The following TMC1 variants were observed in gnomAD, a reference collection of about 807,000 sequenced individuals.
TMC1 encodes transmembrane channel-like protein 1.
A neutral mutation model predicts 105.8 loss-of-function variants in TMC1; 84 were observed. The ratio of observed to expected loss-of-function variants is 0.79; its 90% CI spans 0.67 to 0.95. The LOEUF (loss-of-function observed/expected upper bound fraction) is 0.95, where lower values mean the gene tolerates loss of function less well. Among genes scored for constraint, TMC1 ranks in the 40% least tolerant of loss-of-function variants. The probability of loss-of-function intolerance (pLI) is 0.00; values close to 1 mark genes in which losing one functional copy is unlikely to be tolerated. For missense variants in TMC1, 817 were observed against 914.1 expected (o/e 0.89, Z 1.37); for synonymous variants, 315 against 311.5 (o/e 1.01, Z -0.12).
At position 72,712,362 on chromosome 9, in the gene TMC1, T is replaced by C. The variant is rs139643489; in HGVS notation, c.362+11719T>C. Among the ~76,000 whole-genome samples, 497 of 152,342 alleles carry C rather than the reference T, an allele frequency of 3.3e-3. 3 individuals carry two copies. Among genetic ancestry groups the C allele is most frequent in the African/African-American group, 0.011 (461 of 41,576 alleles). ...TGAACCTACAAATTACTTTGGGCAG[T>C]ATAGCCATTTTCACGATATTGATTC... On this transcript the variant is annotated intron_variant, in intron 8 of 23. Coordinates refer to ENST00000297784, the MANE Select transcript of TMC1 (RefSeq NM_138691.3).
chr9:72,670,983 C>G (rs1440491022), intron 5 of TMC1, among the ~76,000 whole-genome samples: 1 of 152,132 alleles, frequency 6.6e-6, no homozygotes. Context: ...TTCTACCCAT[C>G]CTGGGTTCAC....
chr9:72,612,014 C>A (rs1418313220), intron 2 of TMC1, among the ~76,000 whole-genome samples: 4 of 152,104 alleles, frequency 2.6e-5, no homozygotes, highest in Non-Finnish European at 5.9e-5. Context: ...GCTTTGCCCT[C>A]CTGCTTCTGT....
chr9:72,612,086 G>C lies in TMC1; in HGVS notation c.-305-4282G>C, dbSNP rs577992294. ...GCAGGGAGGGAGAATGAGAGGCAAGGTATAATCTGCTGTGACCTACAGGGT... is the reference window on the plus strand; with the variant it reads ...GCAGGGAGGGAGAATGAGAGGCAAGCTATAATCTGCTGTGACCTACAGGGT... On this transcript the variant is annotated intron_variant, in intron 2 of 23. Coordinates refer to ENST00000297784, the MANE Select transcript of TMC1 (RefSeq NM_138691.3). Among the ~76,000 whole-genome samples the C allele has an allele frequency of 3.3e-5, 5 of 152,214 alleles. No individual in the cohort carries two copies. In the South Asian group the frequency reaches 8.3e-4, roughly 25 times the overall value.
chr9:72,582,018 C>T (rs773448549), intron 2 of TMC1, among the ~76,000 whole-genome samples: 1 of 152,170 alleles, frequency 6.6e-6, no homozygotes, highest in African/African-American at 2.4e-5. Context: ...AGTGCAATGG[C>T]GCGATCTCGG....
chr9:72,769,523 C>T (rs987229491), intron 12 of TMC1, among the ~76,000 whole-genome samples: 5 of 152,174 alleles, frequency 3.3e-5, no homozygotes, highest in African/African-American at 9.7e-5. Context: ...TCCATCCATG[C>T]TCTACTGTCA....
At position 72,837,476 on chromosome 9, in the gene TMC1, C is replaced by T. The variant is rs1004890070; in HGVS notation, c.*1503C>T. The T allele has an allele frequency of 3.3e-5, 5 of 152,200 alleles. No homozygotes were observed. Among genetic ancestry groups the T allele is most frequent in the African/African-American group, 2.4e-5 (1 of 41,448 alleles). The allele number at this position is 152,200 out of a possible 1,614,324, so 9.4% of individuals were successfully genotyped here. ...TTTTATGTTTGCCTAACTACCTACT[C>T]TAACAATCATATCCTGTAAGCTTGG... On this transcript the variant is annotated 3_prime_UTR_variant, in exon 24 of 24. Coordinates refer to ENST00000297784, the MANE Select transcript of TMC1 (RefSeq NM_138691.3).
chr9:72,759,187 G>A (rs1827716130), intron 12 of TMC1, among the ~76,000 whole-genome samples: 1 of 152,090 alleles, frequency 6.6e-6, no homozygotes, highest in African/African-American at 2.4e-5. Context: ...GATGAGATTG[G>A]TTTTGAGTGT....
At chr9:72,530,924 C>G (rs900871521) in intron 1 of TMC1, among the ~76,000 whole-genome samples, 4 of 150,582 alleles carry the variant, frequency 2.7e-5, no homozygotes, top group Non-Finnish European at 4.4e-5. Flanking sequence ...GAGTTCACAT[C>G]ATTCTCCTGC....
chr9:72,553,036 T>G (rs923691071), intron 1 of TMC1, among the ~76,000 whole-genome samples: 2 of 152,088 alleles, frequency 1.3e-5, no homozygotes, highest in Non-Finnish European at 2.9e-5. Flanking sequence ...TGCAACGGCA[T>G]GATCTCGGGT....
intron 18 of TMC1, among the ~76,000 whole-genome samples, chr9:72,805,760 T>C (rs1307129267): frequency 6.6e-6 from 1 of 151,922 alleles, no homozygotes; most frequent in East Asian, 1.9e-4. Flanking sequence ...AGGAGCATGC[T>C]GCCTTCAAGC....
At position 72,694,535 on chromosome 9, in the gene TMC1, A is replaced by C. The variant is rs201199492; in HGVS notation, c.65-8A>C. ...GACATTACTCATTGAATCAAGTGCT[A>C]TGTTTAGGTGAAGAGGAAGAGGAGG... On this transcript the variant is annotated splice_region_variant and splice_polypyrimidine_tract_variant and intron_variant, in intron 6 of 23. Coordinates refer to ENST00000297784, the MANE Select transcript of TMC1 (RefSeq NM_138691.3). 9 of 1,611,496 alleles carry C rather than the reference A, an allele frequency of 5.6e-6. No homozygotes were observed. The highest frequency in any genetic ancestry group is 6.8e-6 in the Non-Finnish European group (8 of 1,178,490).
chr9:72,757,925 A>C (rs1827698047), intron 12 of TMC1, among the ~76,000 whole-genome samples: 1 of 152,196 alleles, frequency 6.6e-6, no homozygotes, highest in Admixed American at 6.5e-5. Context: ...GATAGTGGCA[A>C]GCTAGTAAAA....
At chr9:72,532,041 C>T (rs540264011) in intron 1 of TMC1, among the ~76,000 whole-genome samples, 7 of 152,112 alleles carry the variant, frequency 4.6e-5, no homozygotes, top group African/African-American at 1.7e-4. Flanking sequence ...AAGTGATTCT[C>T]CTGCCTCAGC....
At chr9:72,648,000 G>C (rs971794211) in intron 4 of TMC1, among the ~76,000 whole-genome samples, 2 of 152,110 alleles carry the variant, frequency 1.3e-5, no homozygotes, top group African/African-American at 4.8e-5. Flanking sequence ...AGAAAAAAAT[G>C]TTATACTTCC....
intron 15 of TMC1, among the ~76,000 whole-genome samples, chr9:72,789,804 A>G (rs1828235296): frequency 6.6e-6 from 1 of 152,168 alleles, no homozygotes; most frequent in African/African-American, 2.4e-5. Flanking sequence ...CTCACTGGAA[A>G]CACTCAGATT....
chr9:72,574,554 T>C (rs1824342938), intron 1 of TMC1, among the ~76,000 whole-genome samples: 1 of 152,226 alleles, frequency 6.6e-6, no homozygotes, highest in Non-Finnish European at 1.5e-5. Context: ...TTTCCCCTGG[T>C]AATATGGAAT....
intron 14 of TMC1, 57 bp downstream of exon 14, chr9:72,788,540 G>T: frequency 1.3e-6 from 2 of 1,573,566 alleles, no homozygotes; most frequent in Non-Finnish European, 1.7e-6. Context: ...AAAATTGGAG[G>T]CATTCCATCT....
chr9:72,636,731 A>T (rs566356473), intron 4 of TMC1, among the ~76,000 whole-genome samples: 6 of 151,510 alleles, frequency 4.0e-5, no homozygotes, highest in Admixed American at 3.9e-4. Context: ...AAAAGGATTC[A>T]GCAATGTGTG....
intron 13 of TMC1, among the ~76,000 whole-genome samples, chr9:72,787,915 G>A (rs1000633901): frequency 6.6e-6 from 1 of 152,068 alleles, no homozygotes; most frequent in Non-Finnish European, 1.5e-5. Context: ...GATGGTCTGG[G>A]AACCAACTAA....
Sources: gnomAD v4.1 joint callset for allele counts (sites outside exome capture counted in the v4.1 genomes callset) on GRCh38, gnomAD v4.1.1 for gene constraint, MANE v1.5 for transcripts, NCBI Gene and HGNC (gene_info 2026-07-23, HGNC 2026-07-21) for gene names.